The following PLD5 variants were observed in gnomAD, a reference collection of about 807,000 sequenced individuals.
PLD5 encodes the protein inactive phospholipase D5.
A neutral mutation model predicts 61.1 loss-of-function variants in PLD5; 36 were observed. The ratio of observed to expected loss-of-function variants is 0.59; its 90% confidence interval spans 0.45 to 0.78. The LOEUF (loss-of-function observed/expected upper bound fraction) is 0.78, where lower values mean the gene tolerates loss of function less well. Among genes scored for constraint, PLD5 ranks in the 30% least tolerant of loss-of-function variants. The pLI is 0.00. For synonymous variants in PLD5, 243 were observed against 242.8 expected, an observed-to-expected ratio of 1.00 and a Z score of -0.01; for missense variants, 515 against 644.4, an observed-to-expected ratio of 0.80 and a Z score of 2.17.
intron 1 of PLD5, among the ~76,000 whole-genome samples, chr1:242,478,618 T>C (rs1381192533): frequency 2.0e-5 from 3 of 152,220 alleles, no homozygotes; most frequent in East Asian, 1.9e-4. Flanking sequence ...ATCATCTGTG[T>C]AGGTCAATCA....
intron 1 of PLD5, among the ~76,000 whole-genome samples, chr1:242,511,726 C>T (rs962880151): frequency 1.3e-4 from 20 of 151,894 alleles, no homozygotes; most frequent in African/African-American, 4.6e-4. Flanking sequence ...CAGGGACACA[C>T]AGCAACTAAA....
At chr1:242,512,090 A>T (rs982133056) in intron 1 of PLD5, among the ~76,000 whole-genome samples, 10 of 152,042 alleles carry the variant, frequency 6.6e-5, no homozygotes, top group African/African-American at 2.2e-4. Flanking sequence ...ATTCTTAATA[A>T]TCAAGGCTGG....
chr1:242,117,712 G>A (rs756067069), intron 6 of PLD5, among the ~76,000 whole-genome samples: 83 of 152,064 alleles, frequency 5.5e-4, no homozygotes, highest in Non-Finnish European at 1.2e-4. Flanking sequence ...ATCAAAGGTT[G>A]CTTTTCCCAA....
At chr1:242,369,518 T>C (rs1307059792) in intron 1 of PLD5, among the ~76,000 whole-genome samples, 2 of 152,210 alleles carry the variant, frequency 1.3e-5, no homozygotes, top group South Asian at 4.1e-4. Context: ...TATGGAATAT[T>C]GTGAAGCCAC....
chr1:242,258,322 A>G (rs1321041618), intron 4 of PLD5, among the ~76,000 whole-genome samples: 1 of 152,204 alleles, frequency 6.6e-6, no homozygotes, highest in East Asian at 1.9e-4. Context: ...ACTGCACTAT[A>G]AAGAAGCCCT....
chr1:242,274,507 C>T (rs552803075), intron 3 of PLD5, among the ~76,000 whole-genome samples: 2 of 152,214 alleles, frequency 1.3e-5, no homozygotes, highest in East Asian at 1.9e-4. Flanking sequence ...GTAATCCCAG[C>T]ATTTTGGGAG....
chr1:242,339,484 T>C (rs556225087), intron 2 of PLD5, among the ~76,000 whole-genome samples: 2 of 152,332 alleles, frequency 1.3e-5, no homozygotes, highest in South Asian at 2.1e-4. Flanking sequence ...TTTGAAGGCA[T>C]AGAGGCTCAA....
chr1:242,489,311 A>G (rs1279792981), intron 1 of PLD5, among the ~76,000 whole-genome samples: 1 of 151,930 alleles, frequency 6.6e-6, no homozygotes, highest in Non-Finnish European at 1.5e-5. Context: ...GAATTATGAC[A>G]TTTTTCAAAA....
chr1:242,347,087 G>A (rs183261738), intron 2 of PLD5, among the ~76,000 whole-genome samples: 62 of 152,224 alleles, frequency 4.1e-4, no homozygotes, highest in African/African-American at 1.4e-3. Flanking sequence ...GCTTTGCTCT[G>A]TATGTAATAC....
intron 1 of PLD5, chr1:242,377,046 A>C: frequency 1.2e-6 from 2 of 1,611,764 alleles, no homozygotes; most frequent in South Asian, 1.1e-5. Flanking sequence ...TCTGTCTGAC[A>C]CGGTGCCATC....
At chr1:242,218,726 A>G (rs1670374830) in intron 5 of PLD5, among the ~76,000 whole-genome samples, 1 of 152,206 alleles carries the variant, frequency 6.6e-6, no homozygotes, top group African/African-American at 2.4e-5. Flanking sequence ...TTAGTGAAAT[A>G]AGAGTGAGGT....
intron 3 of PLD5, among the ~76,000 whole-genome samples, chr1:242,271,226 AG>A (rs1674056892): frequency 6.8e-6 from 1 of 147,124 alleles, no homozygotes; most frequent in South Asian, 2.1e-4. Context: ...AGAGAGAGAG[AG>A]AGAGAGAGAG....
At chr1:242,461,214 G>T (rs768903210) in intron 1 of PLD5, among the ~76,000 whole-genome samples, 4 of 152,174 alleles carry the variant, frequency 2.6e-5, no homozygotes, top group South Asian at 2.1e-4. Context: ...TAAGTAGTTT[G>T]TTGAATAGAA....
At chr1:242,240,910 A>T (rs1671958525) in intron 4 of PLD5, among the ~76,000 whole-genome samples, 1 of 152,204 alleles carries the variant, frequency 6.6e-6, no homozygotes, top group Non-Finnish European at 1.5e-5. Flanking sequence ...TTAATAAAAG[A>T]ACATGAATCA....
At chr1:242,302,907 C>T (rs553493057) in intron 2 of PLD5, among the ~76,000 whole-genome samples, 2 of 152,248 alleles carry the variant, frequency 1.3e-5, no homozygotes, top group East Asian at 1.9e-4. Flanking sequence ...CCCCCTTACA[C>T]TATTTATTAA....
At chr1:242,297,289 A>G (rs1171222366) in intron 2 of PLD5, among the ~76,000 whole-genome samples, 3 of 138,536 alleles carry the variant, frequency 2.2e-5, no homozygotes, top group African/African-American at 8.1e-5. Context: ...GGTTGCAGTG[A>G]GCCAAGAGCG....
intron 1 of PLD5, among the ~76,000 whole-genome samples, chr1:242,391,079 T>C (rs2810016): frequency 0.56 from 85,231 of 151,812 alleles, 24,338 homozygotes; most frequent in Admixed American, 0.67. Flanking sequence ...TCTGCAGTCC[T>C]AGCTACTCGG....
At position 242,132,201 on chromosome 1, in the gene PLD5, G is replaced by GC. The variant is rs1353052779; in HGVS notation, c.736-7537_736-7536insG. Among the ~76,000 whole-genome samples the GC allele has an allele frequency of 4.7e-5, 4 of 85,988 alleles. 2 individuals are homozygous for GC. The highest frequency in any genetic ancestry group is 1.0e-4 in the Non-Finnish European group (4 of 40,196). 56.4% of individuals were successfully genotyped at this position (85,988 alleles called of 152,430 possible). ...GAGAATGCAGTGATTGCGGGGGGGG[G>GC]GGGGGGCGGAATCATTTTTAGCTAG... On this transcript the variant is annotated intron_variant, in intron 5 of 9. Transcript: ENST00000536534.
intron 2 of PLD5, among the ~76,000 whole-genome samples, chr1:242,311,621 T>C (rs139362053): frequency 5.9e-4 from 90 of 152,346 alleles, no homozygotes; most frequent in African/African-American, 2.1e-3. Context: ...GGATCCTTTG[T>C]ACGTGGCAGG....
Sources: gnomAD v4.1 joint callset for allele counts (sites outside exome capture counted in the v4.1 genomes callset) on GRCh38, gnomAD v4.1.1 for gene constraint, MANE v1.5 for transcripts, NCBI Gene and HGNC (gene_info 2026-07-23, HGNC 2026-07-21) for gene names.